The following RNF185 variants were observed in gnomAD, a reference collection of about 807,000 sequenced individuals.
RNF185 encodes the protein E3 ubiquitin-protein ligase RNF185.
RNF185 carries 13 observed loss-of-function variants against 24.9 expected under a neutral mutation model. The ratio of observed to expected loss-of-function variants is 0.52; its 90% confidence interval spans 0.34 to 0.83. The LOEUF (loss-of-function observed/expected upper bound fraction) is 0.83. Among genes scored for constraint, RNF185 ranks in the 40% least tolerant of loss-of-function variants. RNF185 has a pLI of 0.01. For missense variants in RNF185, 184 were observed against 244.7 expected (o/e 0.75, Z 1.65); for synonymous variants, 79 against 90.3 (o/e 0.88, Z 0.71).
chr22:31,180,915 C>CTGTGTGTG (rs567264606), intron 1 of RNF185, among the ~76,000 whole-genome samples: 978 of 96,858 alleles, frequency 0.01, 12 homozygotes, highest in Admixed American at 0.027. Flanking sequence ...CTCTCTCTCT[C>CTGTGTGTG]TGTGTGTGTG....
chr22:31,194,689 C>T (rs1313036574), intron 3 of RNF185, among the ~76,000 whole-genome samples: 2 of 151,986 alleles, frequency 1.3e-5, no homozygotes, highest in Admixed American at 6.6e-5. Flanking sequence ...GATCATGCCA[C>T]TACACTCCAG....
chr22:31,178,614 C>G (rs961679133), intron 1 of RNF185, among the ~76,000 whole-genome samples: 24 of 152,270 alleles, frequency 1.6e-4, no homozygotes, highest in African/African-American at 5.5e-4. Context: ...GATGGAGCCC[C>G]TTGTTTAGAA....
intron 1 of RNF185, among the ~76,000 whole-genome samples, chr22:31,180,929 G>T (rs1432788530): frequency 2.0e-5 from 3 of 150,798 alleles, no homozygotes; most frequent in Non-Finnish European, 4.4e-5. Context: ...GTGTGTGTGT[G>T]TGTGTGTGTG....
At chr22:31,193,931 C>G (rs1601370569) in intron 3 of RNF185, among the ~76,000 whole-genome samples, 1 of 145,090 alleles carries the variant, frequency 6.9e-6, no homozygotes, top group East Asian at 2.1e-4. Flanking sequence ...CTCATTCTGT[C>G]GCCCAGGCTA....
chr22:31,168,850 T>C (rs1348821301), intron 1 of RNF185, among the ~76,000 whole-genome samples: 4 of 152,214 alleles, frequency 2.6e-5, no homozygotes, highest in Non-Finnish European at 5.9e-5. Context: ...GACATTTGTA[T>C]TTCTTCTTTG....
rs562762737 is a variant in RNF185, at chr22:31,197,645, T to G, written c.363+655T>G. ...ATCACAGTTCACTGTAGCCTCGACC[T>G]CCTGGGCTCAGTCTACCTCAGCCTC... On this transcript the variant is annotated intron_variant, in intron 5 of 6. Coordinates refer to ENST00000326132, the MANE Select transcript of RNF185 (RefSeq NM_152267.4). Among the ~76,000 whole-genome samples the G allele has an allele frequency of 2.2e-4, 33 of 152,350 alleles. 1 individual carries two copies. In the South Asian group the frequency reaches 6.6e-3, roughly 31 times the overall value.
At chr22:31,171,984 G>C (rs2047935241) in intron 1 of RNF185, among the ~76,000 whole-genome samples, 1 of 152,078 alleles carries the variant, frequency 6.6e-6, no homozygotes, top group Non-Finnish European at 1.5e-5. Flanking sequence ...AAAGAAAGGA[G>C]AAGTGAGATC....
At chr22:31,197,862 C>T (rs990607756) in intron 5 of RNF185, among the ~76,000 whole-genome samples, 3 of 152,034 alleles carry the variant, frequency 2.0e-5, no homozygotes, top group Non-Finnish European at 2.9e-5. Context: ...GGATTACAGG[C>T]GTGAACCACT....
chr22:31,176,724 G>A (rs1468978506), intron 1 of RNF185, among the ~76,000 whole-genome samples: 2 of 151,856 alleles, frequency 1.3e-5, no homozygotes, highest in African/African-American at 4.8e-5. Context: ...TCCTGACCTC[G>A]TGATCCGCCT....
chr22:31,172,383 A>T (rs753766427), intron 1 of RNF185, among the ~76,000 whole-genome samples: 2 of 152,090 alleles, frequency 1.3e-5, no homozygotes, highest in Non-Finnish European at 2.9e-5. Flanking sequence ...ATGAATTCAG[A>T]ATATTAATCT....
chr22:31,180,907 CTCTCTCTCTGTGTGTGTG>C (rs898606204), intron 1 of RNF185, among the ~76,000 whole-genome samples: 2 of 50,354 alleles, frequency 4.0e-5, no homozygotes, highest in African/African-American at 2.0e-4. Context: ...GGCATTTTCT[CTCTCTCTCTGTGTGTGTG>C]TGTGTGTGTG....
intron 5 of RNF185, among the ~76,000 whole-genome samples, chr22:31,200,048 G>T (rs2048245499): frequency 6.6e-6 from 1 of 152,172 alleles, no homozygotes; most frequent in Non-Finnish European, 1.5e-5. Context: ...ATATTTGAAA[G>T]ATGCGCACAG....
At chr22:31,196,156 C>T (rs2048203639) in intron 4 of RNF185, among the ~76,000 whole-genome samples, 1 of 152,196 alleles carries the variant, frequency 6.6e-6, no homozygotes. Flanking sequence ...TTTGCTCTCT[C>T]TTCTGCCTTC....
intron 1 of RNF185, among the ~76,000 whole-genome samples, chr22:31,184,804 A>G (rs1039919595): frequency 1.3e-5 from 2 of 152,000 alleles, no homozygotes; most frequent in African/African-American, 4.8e-5. Context: ...AATCCCAGGC[A>G]CTCGGCAGGC....
At chr22:31,197,743 T>TTTTTG (rs1248296013) in intron 5 of RNF185, among the ~76,000 whole-genome samples, 2 of 152,270 alleles carry the variant, frequency 1.3e-5, no homozygotes, top group Non-Finnish European at 2.9e-5. Flanking sequence ...GTCTTTCTTT[T>TTTTTG]TTTTGTTTTG....
intron 1 of RNF185, among the ~76,000 whole-genome samples, chr22:31,171,397 T>C (rs1228300248): frequency 6.6e-6 from 1 of 150,762 alleles, no homozygotes; most frequent in East Asian, 2.0e-4. Flanking sequence ...GCCAGGCTGG[T>C]CTTGAACTCC....
At chr22:31,180,579 G>C (rs1262183738) in intron 1 of RNF185, among the ~76,000 whole-genome samples, 1 of 150,008 alleles carries the variant, frequency 6.7e-6, no homozygotes, top group Admixed American at 6.7e-5. Context: ...AGGCTGGAGT[G>C]CAGTGGTACA....
At chr22:31,176,491 C>CTT (rs1231883999) in intron 1 of RNF185, among the ~76,000 whole-genome samples, 56 of 132,696 alleles carry the variant, frequency 4.2e-4, no homozygotes, top group Non-Finnish European at 6.9e-4. Context: ...TTTTCTTTTT[C>CTT]TTTTTTTTTT....
intron 5 of RNF185, 143 bp downstream of exon 5, chr22:31,197,133 C>A (rs973797115): frequency 9.2e-6 from 11 of 1,189,810 alleles, no homozygotes; most frequent in Non-Finnish European, 1.3e-5. Context: ...GGAAAAAAAT[C>A]ACTTATAACC....
Sources: gnomAD v4.1 joint callset for allele counts (sites outside exome capture counted in the v4.1 genomes callset) on GRCh38, gnomAD v4.1.1 for gene constraint, MANE v1.5 for transcripts, NCBI Gene and HGNC (gene_info 2026-07-23, HGNC 2026-07-21) for gene names.